Variants in RALGAPA2 observed in about 807,000 individuals in gnomAD.
The protein encoded by RALGAPA2 is Ral GTPase activating protein catalytic subunit alpha 2, also known as ral GTPase-activating protein subunit alpha-2.
A neutral mutation model predicts 230.4 loss-of-function variants in RALGAPA2; 139 were observed. The ratio of observed to expected loss-of-function variants is 0.60; its 90% CI spans 0.53 to 0.69. The LOEUF (loss-of-function observed/expected upper bound fraction) is 0.69. Among genes scored for constraint, RALGAPA2 ranks in the 30% least tolerant of loss-of-function variants. The pLI is 0.00. For synonymous variants in RALGAPA2, 847 were observed against 837.8 expected, an observed-to-expected ratio of 1.01 and a Z score of -0.19; for missense variants, 2,163 against 2,276.0, an observed-to-expected ratio of 0.95 and a Z score of 1.01.
intron 4 of RALGAPA2, among the ~76,000 whole-genome samples, chr20:20,644,420 G>A (rs538964456): frequency 6.6e-6 from 1 of 152,136 alleles, no homozygotes; most frequent in Non-Finnish European, 1.5e-5. Flanking sequence ...TCTAACAAGA[G>A]AGCCAGTGTT....
intron 36 of RALGAPA2, among the ~76,000 whole-genome samples, chr20:20,491,981 G>A (rs574230567): frequency 1.1e-4 from 16 of 152,242 alleles, no homozygotes; most frequent in African/African-American, 3.6e-4. Flanking sequence ...TTAAGAGGAG[G>A]CGGATTCTGC....
chr20:20,546,660 T>C, intron 24 of RALGAPA2, 44 bp downstream of exon 24: 1 of 1,535,654 alleles, frequency 6.5e-7, no homozygotes, highest in Non-Finnish European at 8.7e-7. Flanking sequence ...TTAGCGATTG[T>C]GAAGCCTCTT....
At chr20:20,644,647 G>C (rs1185097079) in intron 4 of RALGAPA2, among the ~76,000 whole-genome samples, 1 of 152,182 alleles carries the variant, frequency 6.6e-6, no homozygotes, top group Non-Finnish European at 1.5e-5. Context: ...CTAATAGTTT[G>C]TGCTTGAGTG....
intron 1 of RALGAPA2, among the ~76,000 whole-genome samples, chr20:20,684,698 C>T (rs2068639817): frequency 6.6e-6 from 1 of 152,192 alleles, no homozygotes; most frequent in Non-Finnish European, 1.5e-5. Flanking sequence ...ACAATTCCCC[C>T]TGACAGCACT....
intron 37 of RALGAPA2, among the ~76,000 whole-genome samples, chr20:20,470,630 A>G (rs2061518488): frequency 6.6e-6 from 1 of 152,230 alleles, no homozygotes; most frequent in Admixed American, 6.5e-5. Context: ...TCCCAGTGCA[A>G]AATGAAAATA....
intron 35 of RALGAPA2, among the ~76,000 whole-genome samples, chr20:20,501,282 TA>T (rs1230038499): frequency 1.3e-5 from 2 of 152,262 alleles, no homozygotes; most frequent in East Asian, 3.8e-4. Context: ...CTGTTTTTAC[TA>T]CACTGAAAAT....
intron 20 of RALGAPA2, 132 bp from the exon 21 acceptor site, chr20:20,573,200 T>G: frequency 1.3e-6 from 1 of 791,308 alleles, no homozygotes; most frequent in Non-Finnish European, 1.9e-6. Context: ...AGCTGAGAAT[T>G]TAAAAGGAGA....
chr20:20,596,665 G>T (rs1292186531), intron 16 of RALGAPA2, among the ~76,000 whole-genome samples: 1 of 152,194 alleles, frequency 6.6e-6, no homozygotes, highest in East Asian at 1.9e-4. Flanking sequence ...TGTTCTCAAA[G>T]TCACTATACT....
intron 38 of RALGAPA2, among the ~76,000 whole-genome samples, chr20:20,406,389 T>A (rs773749750): frequency 6.6e-6 from 1 of 152,084 alleles, no homozygotes; most frequent in Non-Finnish European, 1.5e-5. Flanking sequence ...ACATCTTAAA[T>A]TGGAAAAAAA....
At chr20:20,436,274 A>C (rs2060610507) in intron 37 of RALGAPA2, among the ~76,000 whole-genome samples, 2 of 152,224 alleles carry the variant, frequency 1.3e-5, no homozygotes, top group South Asian at 4.1e-4. Context: ...AGAGCTACTG[A>C]AATCCTTAGT....
At chr20:20,709,747 T>C (rs141070417) in intron 1 of RALGAPA2, among the ~76,000 whole-genome samples, 232 of 152,242 alleles carry the variant, frequency 1.5e-3, no homozygotes, top group African/African-American at 5.3e-3. Flanking sequence ...TACATCCAAA[T>C]TGGAGTTATT....
chr20:20,431,221 C>T (rs1359147138), intron 37 of RALGAPA2, among the ~76,000 whole-genome samples: 3 of 152,096 alleles, frequency 2.0e-5, no homozygotes, highest in Non-Finnish European at 2.9e-5. Context: ...ACACAGGGCT[C>T]CTTAAGAAGT....
intron 37 of RALGAPA2, among the ~76,000 whole-genome samples, chr20:20,458,467 A>AT (rs2061180384): frequency 7.4e-6 from 1 of 134,868 alleles, no homozygotes; most frequent in Non-Finnish European, 1.5e-5. Context: ...TGTATTTTAT[A>AT]TAATATATAA....
chr20:20,567,808 C>T (rs1222569274), intron 23 of RALGAPA2, among the ~76,000 whole-genome samples: 2 of 149,574 alleles, frequency 1.3e-5, no homozygotes, highest in African/African-American at 2.5e-5. Context: ...TGTCACTGCG[C>T]TCCAGCCTGG....
chr20:20,506,116 T>C (rs1247048865), intron 33 of RALGAPA2, among the ~76,000 whole-genome samples: 3 of 152,066 alleles, frequency 2.0e-5, no homozygotes, highest in African/African-American at 7.2e-5. Flanking sequence ...GTTTACCAAC[T>C]TCTGTACTCT....
intron 10 of RALGAPA2, among the ~76,000 whole-genome samples, chr20:20,621,872 G>C (rs2066334569): frequency 6.6e-6 from 1 of 152,238 alleles, no homozygotes; most frequent in Non-Finnish European, 1.5e-5. Flanking sequence ...TACAGCACCA[G>C]AGGTATTCTT....
At chr20:20,634,420 C>G (rs555577426) in intron 9 of RALGAPA2, among the ~76,000 whole-genome samples, 2 of 152,174 alleles carry the variant, frequency 1.3e-5, no homozygotes, top group South Asian at 2.1e-4. Flanking sequence ...TTTCTTTCAG[C>G]AAGTCTTTCA....
In RALGAPA2 at chr20:20,536,703, A is replaced by C; in HGVS notation, c.3367T>G (p.Ser1123Ala). Residue 1123 changes from serine (S) to alanine (A), a missense_variant, in exon 25 of 40, where the codon TCA becomes GCA. Physicochemically the swap from Ser to Ala is moderately conservative, Grantham distance 99. Transcript: ENST00000202677. ...ATGGCCTCATTTACTTCTGGCACTGACTGCAGTAAAGGAATCTCCTGGTAG... is the reference window on the plus strand; with the variant it reads ...ATGGCCTCATTTACTTCTGGCACTGCCTGCAGTAAAGGAATCTCCTGGTAG... ...NTYQEIPLLQ[S>A]VPEVNEAITG... 1 of 1,613,110 alleles carries C rather than the reference A, an allele frequency of 6.2e-7. No homozygotes were observed. The highest frequency in any genetic ancestry group is 8.5e-7 in the Non-Finnish European group (1 of 1,179,256).
intron 33 of RALGAPA2, among the ~76,000 whole-genome samples, chr20:20,506,142 G>A (rs886539747): frequency 1.3e-5 from 2 of 152,076 alleles, no homozygotes; most frequent in Non-Finnish European, 2.9e-5. Flanking sequence ...TTCTGAGGGT[G>A]CCTGACAGGG....
Sources: allele counts gnomAD v4.1 joint callset (sites outside exome capture counted in the v4.1 genomes callset), GRCh38; gene constraint gnomAD v4.1.1; transcripts MANE v1.5; gene names NCBI Gene and HGNC (gene_info 2026-07-23, HGNC 2026-07-21).